The following CPNE8 variants were observed in gnomAD, a reference collection of about 807,000 sequenced individuals.
CPNE8 encodes copine-8.
CPNE8 carries 45 observed loss-of-function variants against 81.5 expected under a neutral mutation model. The ratio of observed to expected loss-of-function variants is 0.55; its 90% CI spans 0.44 to 0.71. CPNE8 has a LOEUF of 0.71. Among genes scored for constraint, CPNE8 ranks in the 30% least tolerant of loss-of-function variants. The probability of loss-of-function intolerance (pLI) is 0.00; values close to 1 mark genes in which losing one functional copy is unlikely to be tolerated. For missense variants in CPNE8, 594 were observed against 672.1 expected, an observed-to-expected ratio of 0.88 and a Z score of 1.28; for synonymous variants, 252 against 226.3, an observed-to-expected ratio of 1.11 and a Z score of -1.02.
chr12:38,843,732 C>A (rs1032694497), intron 4 of CPNE8, among the ~76,000 whole-genome samples: 1 of 152,048 alleles, frequency 6.6e-6, no homozygotes, highest in African/African-American at 2.4e-5. Context: ...AAAATGTGTC[C>A]TCTGAGGCTG....
chr12:38,827,932 T>C (rs1158126502), intron 6 of CPNE8, among the ~76,000 whole-genome samples: 2 of 152,144 alleles, frequency 1.3e-5, no homozygotes, highest in Non-Finnish European at 2.9e-5. Context: ...GTGCAATTTA[T>C]CTACCTAACA....
At chr12:38,765,885 T>A (rs1941677264) in intron 8 of CPNE8, among the ~76,000 whole-genome samples, 2 of 151,892 alleles carry the variant, frequency 1.3e-5, no homozygotes, top group Admixed American at 1.3e-4. Flanking sequence ...TAAGATGGAG[T>A]TTCACTCTTT....
At chr12:38,894,470 A>G (rs1484729094) in intron 1 of CPNE8, among the ~76,000 whole-genome samples, 1 of 152,132 alleles carries the variant, frequency 6.6e-6, no homozygotes, top group East Asian at 1.9e-4. Flanking sequence ...CATAAAAATC[A>G]ATTGTAATCA....
At chr12:38,896,896 A>ACACTT (rs1203423966) in intron 1 of CPNE8, among the ~76,000 whole-genome samples, 1 of 152,128 alleles carries the variant, frequency 6.6e-6, no homozygotes, top group African/African-American at 2.4e-5. Context: ...TGTGTGCCAC[A>ACACTT]CAGTAAAATG....
intron 6 of CPNE8, among the ~76,000 whole-genome samples, chr12:38,821,446 C>A (rs1164098612): frequency 6.6e-6 from 1 of 152,122 alleles, no homozygotes; most frequent in Non-Finnish European, 1.5e-5. Flanking sequence ...ATAAAGTTAC[C>A]ATTCGTAAAA....
rs183608932 is a variant in CPNE8, at chr12:38,766,703, C to A, written c.575+932G>T. 5.0e-3 allele frequency among the ~76,000 whole-genome samples: 757 copies of A among 151,810 alleles called. 5 individuals are homozygous for A. The highest frequency in any genetic ancestry group is 0.017 in the African/African-American group (707 of 41,418). On this transcript the variant is annotated intron_variant, in intron 8 of 19. Coordinates refer to ENST00000331366, the MANE Select transcript of CPNE8 (RefSeq NM_153634.3). ...GTGCAGCATTTTTTCCCATTCTATT[C>A]CCCTCATTTTTAATTTCCAAATAAC...
chr12:38,905,624 T>G, upstream of CPNE8: 2 of 1,516,408 alleles, frequency 1.3e-6, no homozygotes, highest in South Asian at 1.2e-5. Flanking sequence ...GGGATGGGGG[T>G]TGAGGGTGGA....
At chr12:38,802,730 A>G (rs1317382774) in intron 6 of CPNE8, among the ~76,000 whole-genome samples, 2 of 151,368 alleles carry the variant, frequency 1.3e-5, no homozygotes, top group African/African-American at 4.9e-5. Context: ...TGGTTTTTTG[A>G]AAGGATCAAC....
At chr12:38,859,624 C>G (rs1042847186) in intron 3 of CPNE8, among the ~76,000 whole-genome samples, 2 of 152,034 alleles carry the variant, frequency 1.3e-5, no homozygotes, top group Non-Finnish European at 2.9e-5. Flanking sequence ...CTAAAGCAAT[C>G]TTGAAAAAGA....
In CPNE8 at chr12:38,702,887, T is replaced by A; in HGVS notation, c.949A>T (p.Thr317Ser). 1 of 1,565,040 alleles carries A rather than the reference T, an allele frequency of 6.4e-7. No homozygotes were observed. The highest frequency in any genetic ancestry group is 8.7e-7 in the Non-Finnish European group (1 of 1,152,834). The stretch of plus-strand genomic sequence containing the variant: ...TCAAAACACTCACCGTTTGATGCTG[T>A]AAAATCAATAGCCACTGTGAAATTG... ...QINFTVAIDFTASNGNPAQPT... is the reference protein window; with the variant it reads ...QINFTVAIDFSASNGNPAQPT... Residue 317 changes from threonine to serine, a missense_variant, in exon 14 of 20, where the codon ACA becomes TCA. Transcript: ENST00000331366.
At chr12:38,707,842 GA>G (rs766108246) in intron 13 of CPNE8, among the ~76,000 whole-genome samples, 4 of 152,190 alleles carry the variant, frequency 2.6e-5, no homozygotes, top group Non-Finnish European at 5.9e-5. Context: ...ACACCATTGA[GA>G]TTTTTCTACT....
intron 14 of CPNE8, among the ~76,000 whole-genome samples, chr12:38,695,739 A>G (rs1939778830): frequency 2.0e-5 from 3 of 152,088 alleles, no homozygotes; most frequent in Non-Finnish European, 4.4e-5. Flanking sequence ...AGGAGTTTGC[A>G]ACCAGCCTGG....
intron 13 of CPNE8, among the ~76,000 whole-genome samples, chr12:38,706,745 C>G (rs1200992987): frequency 1.3e-5 from 2 of 152,178 alleles, no homozygotes; most frequent in Non-Finnish European, 2.9e-5. Flanking sequence ...CTCTCTCTTG[C>G]AACAGTGTCT....
chr12:38,654,156 G>C, intron 19 of CPNE8, 86 bp from the exon 20 acceptor site: 1 of 1,425,278 alleles, frequency 7.0e-7, no homozygotes. Flanking sequence ...TACACATTTG[G>C]TCATAGGAAA....
At position 38,693,670 on chromosome 12, in the gene CPNE8, T is replaced by C; in HGVS notation, c.1130A>G (p.His377Arg). ...ACAAATTCTTACCAAAGCAAATTCG[T>C]GAGATATCCTTCCATCTGGAGGCAG... Reference protein sequence around the residue: ...AKLPPDGRISHEFALNGNPQN... With the variant: ...AKLPPDGRISREFALNGNPQN... Residue 377 changes from histidine to arginine, a missense_variant, in exon 15 of 20, where the codon CAC (histidine) becomes CGC (arginine). Coordinates refer to ENST00000331366, the MANE Select transcript of CPNE8 (RefSeq NM_153634.3). 6.2e-7 allele frequency: 1 copy of C among 1,606,072 alleles called. No homozygotes were observed. The highest frequency in any genetic ancestry group is 8.5e-7 in the Non-Finnish European group (1 of 1,175,430).
chr12:38,670,173 A>G (rs962239434), intron 19 of CPNE8, among the ~76,000 whole-genome samples: 1 of 152,190 alleles, frequency 6.6e-6, no homozygotes, highest in African/African-American at 2.4e-5. Context: ...AAATAATATT[A>G]AAGTTCATTG....
intron 1 of CPNE8, among the ~76,000 whole-genome samples, chr12:38,898,309 T>C (rs1944415266): frequency 6.6e-6 from 1 of 151,858 alleles, no homozygotes; most frequent in African/African-American, 2.4e-5. Flanking sequence ...GGTATTTCTC[T>C]GAAAAAAAAA....
intron 6 of CPNE8, among the ~76,000 whole-genome samples, chr12:38,788,238 A>T (rs745874983): frequency 6.6e-6 from 1 of 151,944 alleles, no homozygotes; most frequent in Non-Finnish European, 1.5e-5. Flanking sequence ...ACTGAATTCA[A>T]CAATACATTA....
Position 38,654,073 on chromosome 12 carries a change from A to G in CPNE8, c.1507-3T>C, listed in dbSNP as rs767319222. On this transcript the variant is annotated splice_polypyrimidine_tract_variant and splice_region_variant and intron_variant, in intron 19 of 19. Coordinates refer to ENST00000331366, the MANE Select transcript of CPNE8 (RefSeq NM_153634.3). ...ATATAATCCCTGAATGGCACAAACT[A>G]AAACAGAGACGAAAGAAAGTTATTT... The G allele has an allele frequency of 1.9e-6, 3 of 1,581,804 alleles. No homozygotes were observed. Among genetic ancestry groups the G allele is most frequent in the East Asian group, 4.6e-5 (2 of 43,802 alleles).
Sources: gnomAD v4.1 joint callset for allele counts (sites outside exome capture counted in the v4.1 genomes callset) on GRCh38, gnomAD v4.1.1 for gene constraint, MANE v1.5 for transcripts, NCBI Gene and HGNC (gene_info 2026-07-23, HGNC 2026-07-21) for gene names.